DLG2: variants seen among roughly 807,000 people sequenced by gnomAD.
The protein encoded by DLG2 is disks large homolog 2.
Under a neutral mutation model 132.5 loss-of-function variants are expected in DLG2, and 45 were observed. That is an observed-to-expected ratio of 0.34 (90% CI 0.27 to 0.44). DLG2 has a LOEUF of 0.44. Ranked by LOEUF, DLG2 falls within the 20% of genes least tolerant of loss-of-function variation. The probability of loss-of-function intolerance (pLI) is 1.00; values close to 1 mark genes in which losing one functional copy is unlikely to be tolerated. For synonymous variants in DLG2, 424 were observed against 419.6 expected (o/e 1.01, Z -0.13); for missense variants, 1,045 against 1,196.9 (o/e 0.87, Z 1.87).
At chr11:85,061,731 G>A (rs952146958) in intron 6 of DLG2, among the ~76,000 whole-genome samples, 1 of 151,860 alleles carries the variant, frequency 6.6e-6, no homozygotes, top group African/African-American at 2.4e-5. Context: ...TCCCATATAT[G>A]TGTACTGTAT....
intron 19 of DLG2, among the ~76,000 whole-genome samples, chr11:83,577,997 C>T (rs2096908450): frequency 1.5e-5 from 2 of 133,676 alleles, no homozygotes; most frequent in South Asian, 4.7e-4. Flanking sequence ...ATATATAATA[C>T]ATCTACTTAA....
chr11:83,768,685 G>T (rs550567660), intron 18 of DLG2, among the ~76,000 whole-genome samples: 50 of 152,328 alleles, frequency 3.3e-4, no homozygotes, highest in African/African-American at 1.0e-3. Flanking sequence ...GCACAACGTG[G>T]CTCAGCAGAT....
At chr11:84,053,440 A>T (rs1455350518) in intron 11 of DLG2, among the ~76,000 whole-genome samples, 1 of 151,974 alleles carries the variant, frequency 6.6e-6, no homozygotes, top group Non-Finnish European at 1.5e-5. Flanking sequence ...TTAAAAGTTG[A>T]AGGAAAAAAA....
chr11:85,142,152 T>G (rs77303229), intron 5 of DLG2, among the ~76,000 whole-genome samples: 1 of 151,874 alleles, frequency 6.6e-6, no homozygotes, highest in Non-Finnish European at 1.5e-5. Context: ...TTCAGCAGTA[T>G]GAACACTTTA....
At chr11:84,686,079 T>C (rs761715184) in intron 6 of DLG2, among the ~76,000 whole-genome samples, 1 of 152,202 alleles carries the variant, frequency 6.6e-6, no homozygotes, top group Non-Finnish European at 1.5e-5. Flanking sequence ...GAGATCTTCC[T>C]TTAAGAGCAG....
intron 4 of DLG2, among the ~76,000 whole-genome samples, chr11:85,275,716 C>T (rs1199269625): frequency 6.6e-6 from 1 of 152,040 alleles, no homozygotes; most frequent in Non-Finnish European, 1.5e-5. Flanking sequence ...TTAGATTAGA[C>T]AGTAATATAA....
intron 6 of DLG2, among the ~76,000 whole-genome samples, chr11:84,755,378 T>G (rs1055291347): frequency 6.6e-6 from 1 of 152,170 alleles, no homozygotes; most frequent in Non-Finnish European, 1.5e-5. Context: ...GGGCCTGTGG[T>G]TCTGGACACT....
At chr11:83,630,910 T>C (rs1271969415) in intron 19 of DLG2, among the ~76,000 whole-genome samples, 1 of 152,168 alleles carries the variant, frequency 6.6e-6, no homozygotes, top group Non-Finnish European at 1.5e-5. Flanking sequence ...ATTTTCAGGA[T>C]GTTATTCTCA....
chr11:84,271,939 T>C (rs1030297816), intron 7 of DLG2, among the ~76,000 whole-genome samples: 7 of 123,304 alleles, frequency 5.7e-5, no homozygotes, highest in Non-Finnish European at 1.2e-4. Flanking sequence ...ATATCACACT[T>C]TGATAATAAC....
chr11:85,302,031 G>C (rs951488069), intron 3 of DLG2, among the ~76,000 whole-genome samples: 1 of 152,148 alleles, frequency 6.6e-6, no homozygotes, highest in Non-Finnish European at 1.5e-5. Flanking sequence ...ATTATCTTAA[G>C]AGCACATGAG....
intron 3 of DLG2, among the ~76,000 whole-genome samples, chr11:85,430,460 A>C (rs1333843371): frequency 6.6e-6 from 1 of 152,202 alleles, no homozygotes; most frequent in Non-Finnish European, 1.5e-5. Flanking sequence ...CTATAATAGC[A>C]GTCTAGGTAC....
At chr11:85,150,180 C>G (rs1004553649) in intron 5 of DLG2, among the ~76,000 whole-genome samples, 2 of 151,664 alleles carry the variant, frequency 1.3e-5, no homozygotes, top group South Asian at 2.1e-4. Flanking sequence ...CCACTATGCT[C>G]GGCTAATTTT....
intron 7 of DLG2, among the ~76,000 whole-genome samples, chr11:84,396,330 G>A (rs977360811): frequency 2.0e-5 from 3 of 152,028 alleles, no homozygotes; most frequent in South Asian, 2.1e-4. Context: ...AATGAGAGAC[G>A]TTACCAGCAA....
At chr11:84,532,266 T>C (rs1278583088) in intron 7 of DLG2, among the ~76,000 whole-genome samples, 1 of 152,038 alleles carries the variant, frequency 6.6e-6, no homozygotes, top group Non-Finnish European at 1.5e-5. Flanking sequence ...GGCATGATCC[T>C]ACTCATAAGA....
chr11:85,119,558 A>G (rs918173904), intron 5 of DLG2, among the ~76,000 whole-genome samples: 1 of 152,064 alleles, frequency 6.6e-6, no homozygotes, highest in Non-Finnish European at 1.5e-5. Context: ...CCTTGCAAAA[A>G]GGAAAATTTG....
intron 3 of DLG2, among the ~76,000 whole-genome samples, chr11:85,463,407 A>G (rs1234262237): frequency 6.6e-6 from 1 of 152,238 alleles, no homozygotes; most frequent in Admixed American, 6.5e-5. Context: ...AAGATTCACA[A>G]TAGGTTAGTA....
chr11:84,443,502 T>A (rs1282000640), intron 7 of DLG2, among the ~76,000 whole-genome samples: 1 of 152,154 alleles, frequency 6.6e-6, no homozygotes, highest in African/African-American at 2.4e-5. Flanking sequence ...CCAGTTGCCA[T>A]TATTAGTAAT....
intron 3 of DLG2, among the ~76,000 whole-genome samples, chr11:85,286,769 A>C (rs1595949962): frequency 6.6e-6 from 1 of 152,106 alleles, no homozygotes; most frequent in East Asian, 1.9e-4. Flanking sequence ...CAGAGCCCAG[A>C]TCTTGGTTTG....
At chr11:84,107,897 G>C (rs185827891) in intron 9 of DLG2, among the ~76,000 whole-genome samples, 63 of 152,230 alleles carry the variant, frequency 4.1e-4, no homozygotes, top group African/African-American at 1.5e-3. Flanking sequence ...AGACACTTAG[G>C]GATCAGCTGG....
Sources: allele counts gnomAD v4.1 joint callset (sites outside exome capture counted in the v4.1 genomes callset), GRCh38; gene constraint gnomAD v4.1.1; transcripts MANE v1.5; gene names NCBI Gene and HGNC (gene_info 2026-07-23, HGNC 2026-07-21).